Variants in WASL observed in about 807,000 individuals in gnomAD.
The protein encoded by WASL is actin nucleation-promoting factor WASL.
A neutral mutation model predicts 55.5 loss-of-function variants in WASL; 20 were observed. That is an observed-to-expected ratio of 0.36 (90% CI 0.25 to 0.52). WASL has a LOEUF of 0.52. Ranked by LOEUF, WASL falls within the 20% of genes least tolerant of loss-of-function variation. The probability of loss-of-function intolerance (pLI) is 0.92; values close to 1 mark genes in which losing one functional copy is unlikely to be tolerated. For synonymous variants in WASL, 249 were observed against 217.6 expected (o/e 1.14, Z -1.27); for missense variants, 504 against 622.5 (o/e 0.81, Z 2.03).
chr7:123,702,794 C>T (rs558344923), intron 5 of WASL, among the ~76,000 whole-genome samples: 16 of 152,258 alleles, frequency 1.1e-4, no homozygotes, highest in African/African-American at 3.6e-4. Flanking sequence ...TTGTTTGTAT[C>T]GCAGACTTGA....
chr7:123,693,988 A>G (rs1033515837), intron 8 of WASL, among the ~76,000 whole-genome samples: 2 of 152,234 alleles, frequency 1.3e-5, no homozygotes, highest in South Asian at 2.1e-4. Context: ...TGAAAAAGAC[A>G]TAAGTAAACT....
chr7:123,692,817 G>T lies in WASL; in HGVS notation c.877C>A (p.Pro293Thr). ...GGAGGAGGACCTGAGTTGTGTGGAG[G>T]GGGAGGAGGAGGAGGTGGCCCTCCC... ...SRGGPPPPPP[P>T]PHNSGPPPPP... Residue 293 changes from proline (P) to threonine (T), a missense_variant, in exon 9 of 11, where the codon CCT becomes ACT. Physicochemically the swap from Pro to Thr is conservative, Grantham distance 38. This residue lies in a region of WASL where 201 missense variants were observed against 206.2 expected (regional missense o/e 0.97). Coordinates refer to ENST00000223023, the MANE Select transcript of WASL (RefSeq NM_003941.4). 2.1e-6 allele frequency: 3 copies of T among 1,413,172 alleles called. No homozygotes were observed. The highest frequency in any genetic ancestry group is 2.8e-6 in the Non-Finnish European group (3 of 1,080,330). 87.5% of individuals were successfully genotyped at this position (1,413,172 alleles called of 1,614,324 possible). A position where few individuals can be genotyped will look rare whatever the true frequency, so the allele number is the denominator to read the frequency against.
At chr7:123,720,603 G>A (rs1256871159) in intron 1 of WASL, among the ~76,000 whole-genome samples, 4 of 151,678 alleles carry the variant, frequency 2.6e-5, no homozygotes, top group Non-Finnish European at 5.9e-5. Context: ...CTAGGCAAAT[G>A]AAGGACTGGA....
In WASL at chr7:123,739,344, T is replaced by C. The variant is rs567710321; in HGVS notation, c.117+9274A>G. On this transcript the variant is annotated intron_variant, in intron 1 of 10. Coordinates refer to ENST00000223023, the MANE Select transcript of WASL (RefSeq NM_003941.4). Reference sequence around the variant, plus strand: ...CTCCTCAATGCCTCCTAAAATTCTATACACATTTTCTATCCCAAACTTTTG... The same window carrying C: ...CTCCTCAATGCCTCCTAAAATTCTACACACATTTTCTATCCCAAACTTTTG... 2.6e-5 allele frequency among the ~76,000 whole-genome samples: 4 copies of C among 152,328 alleles called. No homozygotes were observed. In the South Asian group the frequency reaches 8.3e-4, roughly 32 times the overall value.
intron 1 of WASL, 58 bp from the exon 2 acceptor site, chr7:123,709,281 C>T: frequency 6.9e-7 from 1 of 1,451,916 alleles, no homozygotes. Flanking sequence ...ATGATCATAG[C>T]CCCTGCTGAC....
chr7:123,735,562 T>C (rs561743570), intron 1 of WASL, among the ~76,000 whole-genome samples: 6 of 152,092 alleles, frequency 3.9e-5, no homozygotes, highest in Non-Finnish European at 8.8e-5. Context: ...TATTTCAAAA[T>C]GTAGCTAGAG....
intron 1 of WASL, among the ~76,000 whole-genome samples, chr7:123,717,869 A>G (rs1407350278): frequency 6.6e-6 from 1 of 152,242 alleles, no homozygotes; most frequent in Non-Finnish European, 1.5e-5. Flanking sequence ...GTTGCACACA[A>G]AAGCAGCCAT....
chr7:123,715,350 T>C (rs573654069), intron 1 of WASL, among the ~76,000 whole-genome samples: 45 of 152,252 alleles, frequency 3.0e-4, no homozygotes, highest in South Asian at 2.7e-3. Context: ...ATTTCAACTG[T>C]CCTTTCTGAG....
rs577648029 is a variant in WASL at position 123,702,212 on chromosome 7, T to C, written c.460+2422A>G. On this transcript the variant is annotated intron_variant, in intron 5 of 10. Transcript: ENST00000223023. ...CTGGGATTACAGACATGCGCCACCATGCCCAGCTAATTTTTGTACTTTTAA... is the reference window on the plus strand; with the variant it reads ...CTGGGATTACAGACATGCGCCACCACGCCCAGCTAATTTTTGTACTTTTAA... 2.9e-3 allele frequency among the ~76,000 whole-genome samples: 443 copies of C among 152,118 alleles called. 1 individual carries two copies. The highest frequency in any genetic ancestry group is 4.7e-3 in the Non-Finnish European group (321 of 67,962).
chr7:123,699,212 C>A lies in WASL; in HGVS notation c.461-2465G>T, dbSNP rs572170779. 4.6e-5 allele frequency among the ~76,000 whole-genome samples: 7 copies of A among 152,054 alleles called. No individual in the cohort carries two copies. The East Asian group carries it at 1.2e-3, about 25-fold the overall frequency. The stretch of plus-strand genomic sequence containing the variant: ...CAGCCTGGCCAATATGGTGAAACCG[C>A]GCCTCTAATACAAAAATTAGCCGGG... On this transcript the variant is annotated intron_variant, in intron 5 of 10. Transcript: ENST00000223023.
intron 5 of WASL, among the ~76,000 whole-genome samples, chr7:123,698,878 G>A (rs1001626061): frequency 6.6e-6 from 1 of 152,146 alleles, no homozygotes; most frequent in East Asian, 1.9e-4. Flanking sequence ...GTAGGGACTA[G>A]AGGGTTGAAT....
At chr7:123,742,383 A>T (rs965112084) in intron 1 of WASL, among the ~76,000 whole-genome samples, 1 of 152,230 alleles carries the variant, frequency 6.6e-6, no homozygotes, top group African/African-American at 2.4e-5. Flanking sequence ...AAATTTAAGA[A>T]AACCAAGATT....
intron 2 of WASL, among the ~76,000 whole-genome samples, chr7:123,707,369 T>C (rs1459055079): frequency 1.3e-5 from 2 of 152,244 alleles, no homozygotes; most frequent in Non-Finnish European, 2.9e-5. Flanking sequence ...TTTCTAATTA[T>C]ATACTAGTAT....
intron 2 of WASL, among the ~76,000 whole-genome samples, chr7:123,708,404 T>C (rs1196885684): frequency 6.6e-6 from 1 of 152,170 alleles, no homozygotes. Context: ...TAAAATCTCA[T>C]TGCACTTATT....
intron 1 of WASL, among the ~76,000 whole-genome samples, chr7:123,745,560 G>A (rs1004803035): frequency 1.4e-4 from 22 of 152,060 alleles, no homozygotes; most frequent in African/African-American, 5.1e-4. Flanking sequence ...TGTGCTCAAG[G>A]ATTATCCTAT....
At position 123,696,754 on chromosome 7, in the gene WASL, A is replaced by G; in HGVS notation, c.461-7T>C. 6.7e-7 allele frequency: 1 copy of G among 1,502,216 alleles called. No individual in the cohort carries two copies. The highest frequency in any genetic ancestry group is 2.4e-5 in the East Asian group (1 of 41,384). The allele number at this position is 1,502,216 out of a possible 1,614,324, so 93.1% of individuals were successfully genotyped here. On this transcript the variant is annotated splice_region_variant and splice_polypyrimidine_tract_variant and intron_variant, in intron 5 of 10. Transcript: ENST00000223023. ...GCCATGGGTAGATTAGGACCTGCAA[A>G]TAAAACCAAATTATATAAAAGGGAT...
In WASL at chr7:123,696,675, T is replaced by G. The variant is rs1489900152; in HGVS notation, c.533A>C (p.Gln178Pro). 2.5e-6 allele frequency: 4 copies of G among 1,605,952 alleles called. No homozygotes were observed. The South Asian group carries it at 3.3e-5, about 13-fold the overall frequency. The change falls in exon 6 of 11, where the codon CAA becomes CCA. Residue 178 changes from glutamine (Q) to proline (P), a missense_variant. Physicochemically the swap from Gln to Pro is moderately conservative, Grantham distance 76. Around this residue, in one of 5 missense-constraint regions of WASL, gnomAD observed 230 missense variants for 271.9 expected, o/e 0.85. Transcript: ENST00000223023. ...EITTNRFYGP[Q>P]VNNISHTKEK... Reference sequence around the variant, plus strand: ...TTTGGTATGGGAGATGTTGTTGACTTGTGGACCATAAAATCTATTTGTTGT... The same window carrying G: ...TTTGGTATGGGAGATGTTGTTGACTGGTGGACCATAAAATCTATTTGTTGT...
chr7:123,718,208 C>T lies in WASL; in HGVS notation c.118-8985G>A, dbSNP rs1262968247. 3.3e-5 allele frequency among the ~76,000 whole-genome samples: 5 copies of T among 152,182 alleles called. No individual in the cohort carries two copies. The East Asian group carries it at 9.7e-4, about 29-fold the overall frequency. On this transcript the variant is annotated intron_variant, in intron 1 of 10. Coordinates refer to ENST00000223023, the MANE Select transcript of WASL (RefSeq NM_003941.4). The stretch of plus-strand genomic sequence containing the variant: ...TCTTTTCTCACACCAAATAAACATT[C>T]ACTTTTAGACTTAATTTTGGATTGT...
intron 1 of WASL, among the ~76,000 whole-genome samples, chr7:123,743,407 G>A (rs17701547): frequency 0.14 from 20,815 of 151,612 alleles, 1,973 homozygotes; most frequent in Middle Eastern, 0.27. Context: ...CTAAAATTCA[G>A]GAACTCCTAA....
Sources: allele counts gnomAD v4.1 joint callset (sites outside exome capture counted in the v4.1 genomes callset), GRCh38; gene constraint gnomAD v4.1.1; regional missense constraint gnomAD v4.1.1; transcripts MANE v1.5; gene names NCBI Gene and HGNC (gene_info 2026-07-23, HGNC 2026-07-21).